Variants in CACNA1A observed in about 807,000 individuals in gnomAD.
CACNA1A encodes calcium voltage-gated channel subunit alpha1 A.
A neutral mutation model predicts 262.4 loss-of-function variants in CACNA1A; 57 were observed. The ratio of observed to expected loss-of-function variants is 0.22; its 90% CI spans 0.18 to 0.27. The LOEUF (loss-of-function observed/expected upper bound fraction) is 0.27, where lower values mean the gene tolerates loss of function less well. Ranked by LOEUF, CACNA1A falls within the 10% of genes least tolerant of loss-of-function variation. CACNA1A has a pLI of 1.00. For missense variants in CACNA1A, 2,526 were observed against 3,562.8 expected (o/e 0.71, Z 7.41); for synonymous variants, 1,431 against 1,419.3 (o/e 1.01, Z -0.18).
chr19:13,446,561 C>T lies in CACNA1A; in HGVS notation c.539+6315G>A, dbSNP rs148177090. Among the ~76,000 whole-genome samples the T allele has an allele frequency of 5.6e-4, 84 of 150,338 alleles. 1 individual carries two copies. Among genetic ancestry groups the T allele is most frequent in the African/African-American group, 2.0e-3 (83 of 40,970 alleles). On this transcript the variant is annotated intron_variant, in intron 3 of 46. Transcript: ENST00000360228. ...GATTCAAGTGATTCTGCTGCCTCAG[C>T]CTCCCAAATAACTGGGATTACCAGT...
At chr19:13,393,535 TCCTC>T (rs2059748677) in intron 3 of CACNA1A, among the ~76,000 whole-genome samples, 1 of 142,984 alleles carries the variant, frequency 7.0e-6, no homozygotes, top group Admixed American at 7.0e-5. Flanking sequence ...CCTCCTTCCT[TCCTC>T]GAAGCTGCAG....
chr19:13,255,472 C>T (rs1414203927), intron 28 of CACNA1A, among the ~76,000 whole-genome samples: 2 of 152,040 alleles, frequency 1.3e-5, no homozygotes, highest in African/African-American at 4.8e-5. Context: ...TCACCAACTG[C>T]CAAAACTTGC....
At chr19:13,429,603 T>TA (rs1215332629) in intron 3 of CACNA1A, among the ~76,000 whole-genome samples, 13 of 150,100 alleles carry the variant, frequency 8.7e-5, no homozygotes, top group Non-Finnish European at 1.3e-4. Context: ...AATCTTGATT[T>TA]AAAAAAAATT....
At chr19:13,435,885 C>A (rs544323808) in intron 3 of CACNA1A, among the ~76,000 whole-genome samples, 1 of 152,076 alleles carries the variant, frequency 6.6e-6, no homozygotes, top group Non-Finnish European at 1.5e-5. Flanking sequence ...AGTGCAGTGG[C>A]GCAGACTCAG....
intron 24 of CACNA1A, chr19:13,263,052 C>T: frequency 1.8e-6 from 1 of 552,132 alleles, no homozygotes; most frequent in South Asian, 2.0e-5. Flanking sequence ...TGGTTCTGGT[C>T]CCAGGGTTGG....
At chr19:13,323,269 C>CA (rs60609499) in intron 10 of CACNA1A, among the ~76,000 whole-genome samples, 17,370 of 148,982 alleles carry the variant, frequency 0.12, 1,033 homozygotes, top group South Asian at 0.19. Flanking sequence ...AAAAACAAAA[C>CA]AAAAAACAAA....
In CACNA1A at chr19:13,208,826, C is replaced by A. The variant is rs765309213; in HGVS notation, c.6710G>T (p.Arg2237Leu). The change falls in exon 46 of 47, where the codon CGG (arginine) becomes CTG (leucine). Residue 2237 changes from arginine to leucine, a missense_variant. Physicochemically the swap from Arg to Leu is moderately radical, Grantham distance 102. Transcript: ENST00000360228. ...CCAGCGCTGGTCCCGAGCCCGTGCCCGGCCGTGGTCCGGCCGTTCCTGGGC... is the reference window on the plus strand; with the variant it reads ...CCAGCGCTGGTCCCGAGCCCGTGCCAGGCCGTGGTCCGGCCGTTCCTGGGC... Reference protein sequence around the residue: ...RYAQERPDHGRARARDQRWSR... With the variant: ...RYAQERPDHGLARARDQRWSR... 6.5e-7 allele frequency: 1 copy of A among 1,532,486 alleles called. No homozygotes were observed. Among genetic ancestry groups the A allele is most frequent in the Non-Finnish European group, 8.7e-7 (1 of 1,145,946 alleles). 94.9% of individuals were successfully genotyped at this position (1,532,486 alleles called of 1,614,324 possible). A position where few individuals can be genotyped will look rare whatever the true frequency, so the allele number is the denominator to read the frequency against.
chr19:13,240,149 TAAA>T (rs60352550), intron 31 of CACNA1A, among the ~76,000 whole-genome samples: 33 of 119,742 alleles, frequency 2.8e-4, no homozygotes, highest in Admixed American at 9.8e-4. Flanking sequence ...AGACTCTGTC[TAAA>T]AAAAAAAAAA....
chr19:13,486,114 T>C (rs1979945110), intron 1 of CACNA1A, among the ~76,000 whole-genome samples: 1 of 152,184 alleles, frequency 6.6e-6, no homozygotes, highest in Admixed American at 6.5e-5. Flanking sequence ...AACCACATAA[T>C]ATCTGACTAT....
chr19:13,212,319 C>G lies in CACNA1A; in HGVS notation c.6189+65G>C. On this transcript the variant is annotated intron_variant, in intron 42 of 46. Transcript: ENST00000360228. The surrounding 1 kb of genome is among the most constrained non-coding windows in gnomAD (Gnocchi z 5.6). ...TGCAGGTGTGTGTGTGTGGGGGGCC[C>G]AGATCCCTTCCACCTGAACCACCCG... 1 of 1,593,350 alleles carries G rather than the reference C, an allele frequency of 6.3e-7. No individual in the cohort carries two copies. The highest frequency in any genetic ancestry group is 8.6e-7 in the Non-Finnish European group (1 of 1,164,038).
At chr19:13,428,120 G>T (rs1052914924) in intron 3 of CACNA1A, among the ~76,000 whole-genome samples, 1 of 152,272 alleles carries the variant, frequency 6.6e-6, no homozygotes, top group Non-Finnish European at 1.5e-5. Context: ...CAGAGACAGG[G>T]TTTCACCCTG....
At chr19:13,496,498 G>A (rs1193663965) in intron 1 of CACNA1A, among the ~76,000 whole-genome samples, 1 of 152,174 alleles carries the variant, frequency 6.6e-6, no homozygotes, top group African/African-American at 2.4e-5. Context: ...AAGAAGGATT[G>A]CTGAGACGTG....
intron 29 of CACNA1A, among the ~76,000 whole-genome samples, chr19:13,254,360 T>C (rs1049573546): frequency 7.2e-5 from 11 of 151,866 alleles, no homozygotes; most frequent in African/African-American, 2.7e-4. Context: ...TTTCTTTCTT[T>C]TTCTTTTCTT....
chr19:13,238,676 C>T (rs1195845340), intron 31 of CACNA1A, among the ~76,000 whole-genome samples: 1 of 152,038 alleles, frequency 6.6e-6, no homozygotes, highest in East Asian at 1.9e-4. Context: ...ACCTCCACCT[C>T]CCAGGTTTAA....
chr19:13,269,151 C>A (rs868868851), intron 24 of CACNA1A, among the ~76,000 whole-genome samples: 5 of 151,172 alleles, frequency 3.3e-5, no homozygotes, highest in South Asian at 2.1e-4. Context: ...TGAGAGACAC[C>A]ACACCCAGCT....
Position 13,361,452 on chromosome 19 carries a change from G to A in CACNA1A, c.785-1653C>T, listed in dbSNP as rs187315441. 6.4e-4 allele frequency among the ~76,000 whole-genome samples: 97 copies of A among 152,280 alleles called. 1 individual carries two copies. Among genetic ancestry groups the A allele is most frequent in the African/African-American group, 2.0e-3 (82 of 41,564 alleles). ...TCTGAGAGGACCTTATTCTGTGAGC[G>A]ATGCTTTTGAAGGTTTTCAAAGACG... is the stretch of plus-strand genomic sequence containing the variant. On this transcript the variant is annotated intron_variant, in intron 5 of 46. Coordinates refer to ENST00000360228, the MANE Select transcript of CACNA1A (RefSeq NM_001127222.2).
chr19:13,499,450 T>TGG lies in CACNA1A; in HGVS notation c.293+6480_293+6481dup, dbSNP rs199603194. Among the ~76,000 whole-genome samples the TGG allele has an allele frequency of 2.6e-3, 223 of 86,036 alleles. 4 individuals are homozygous for TGG. The highest frequency in any genetic ancestry group is 0.018 in the Middle Eastern group (3 of 164). 56.4% of individuals were successfully genotyped at this position (86,036 alleles called of 152,430 possible). ...CACACTGACCAGTCGCAGGGGGTGGTGGGGGGGGGCACTTCGCTCCCATTC... is the reference window on the plus strand; with the variant it reads ...CACACTGACCAGTCGCAGGGGGTGGTGGGGGGGGGGGCACTTCGCTCCCATTC... On this transcript the variant is annotated intron_variant, in intron 1 of 46. Coordinates refer to ENST00000360228, the MANE Select transcript of CACNA1A (RefSeq NM_001127222.2).
intron 9 of CACNA1A, 77 bp downstream of exon 9, chr19:13,332,792 G>T: frequency 2.2e-6 from 2 of 915,154 alleles, no homozygotes; most frequent in Non-Finnish European, 3.6e-6. Context: ...CCAGTCACCT[G>T]CTCTCCCCCG....
At chr19:13,336,633 GA>G (rs2058579836) in intron 6 of CACNA1A, among the ~76,000 whole-genome samples, 1 of 147,534 alleles carries the variant, frequency 6.8e-6, no homozygotes, top group Non-Finnish European at 1.5e-5. Flanking sequence ...GAGAGAGAGA[GA>G]GAGAGAAAAG....
Sources: allele counts gnomAD v4.1 joint callset (sites outside exome capture counted in the v4.1 genomes callset), GRCh38; gene constraint gnomAD v4.1.1; non-coding constraint Gnocchi (gnomAD v3.1); transcripts MANE v1.5; gene names NCBI Gene and HGNC (gene_info 2026-07-23, HGNC 2026-07-21).